Variants in MAF observed in about 807,000 individuals in gnomAD.
MAF encodes the protein transcription factor Maf.
Under a neutral mutation model 22.0 loss-of-function variants are expected in MAF, and 10 were observed. The observed-to-expected ratio is 0.45, with a 90% confidence interval of 0.28 to 0.77. MAF has a LOEUF of 0.77. MAF is among the 30% of genes least tolerant of loss of function. MAF has a pLI of 0.12. For missense variants in MAF, 544 were observed against 548.4 expected (o/e 0.99, Z 0.08); for synonymous variants, 337 against 255.8 (o/e 1.32, Z -3.03).
the MAF span, among the ~76,000 whole-genome samples, chr16:79,396,128 A>C: frequency 1.3e-5 from 2 of 152,136 alleles, no homozygotes; most frequent in African/African-American, 4.8e-5. Context: ...ACAATCTGAG[A>C]GCTTGGGCTG....
the MAF span, among the ~76,000 whole-genome samples, chr16:79,293,269 C>G: frequency 1.6e-4 from 25 of 152,232 alleles, 1 homozygote; most frequent in East Asian, 4.8e-3. Flanking sequence ...CCCAATAAGA[C>G]TCCAAACAAT....
At chr16:79,582,229 T>C (rs916931104), downstream of MAF, among the ~76,000 whole-genome samples, 2 of 152,098 alleles carry the variant, frequency 1.3e-5, no homozygotes, top group Non-Finnish European at 2.9e-5. Context: ...AAATAAAAGA[T>C]TCAGCAAGCA....
chr16:79,454,952 C>T, the MAF span, among the ~76,000 whole-genome samples: 18 of 151,830 alleles, frequency 1.2e-4, no homozygotes, highest in Non-Finnish European at 2.4e-4. Context: ...CAAAATAAGC[C>T]ATGCATGGTG....
chr16:79,594,556 G>C lies in MAF; in HGVS notation c.1119-3C>G. 6.4e-7 allele frequency: 1 copy of C among 1,558,034 alleles called. No homozygotes were observed. The highest frequency in any genetic ancestry group is 8.7e-7 in the Non-Finnish European group (1 of 1,149,270). ...CCAACTTGCGAGTGGGCTCAGTTCTGTAATTGGAATGAAAGGAATTTTAAC... is the reference window on the plus strand; with the variant it reads ...CCAACTTGCGAGTGGGCTCAGTTCTCTAATTGGAATGAAAGGAATTTTAAC... On this transcript the variant is annotated splice_region_variant and splice_polypyrimidine_tract_variant and intron_variant, in intron 1 of 1. Coordinates refer to ENST00000326043, the MANE Select transcript of MAF (RefSeq NM_005360.5).
the MAF span, among the ~76,000 whole-genome samples, chr16:79,208,703 C>T: frequency 6.6e-6 from 1 of 151,744 alleles, no homozygotes; most frequent in Non-Finnish European, 1.5e-5. Flanking sequence ...ATTGAGATTT[C>T]ACTAATGTGC....
At chr16:79,591,863 A>G (rs1177787161), downstream of MAF, among the ~76,000 whole-genome samples, 1 of 152,236 alleles carries the variant, frequency 6.6e-6, no homozygotes, top group African/African-American at 2.4e-5. Context: ...AGACTGATAC[A>G]TTTATAAATA....
chr16:79,588,339 G>T (rs572674903), intron 1 of MAF, among the ~76,000 whole-genome samples: 1 of 152,198 alleles, frequency 6.6e-6, no homozygotes, highest in Non-Finnish European at 1.5e-5. Context: ...CAGGCTCTGC[G>T]CATGTCTACC....
the MAF span, among the ~76,000 whole-genome samples, chr16:79,315,723 G>A: frequency 6.6e-6 from 1 of 152,218 alleles, no homozygotes; most frequent in African/African-American, 2.4e-5. Context: ...GATGAAGAAG[G>A]TGAGGGGCAG....
At chr16:79,212,070 G>C in the MAF span, 3 of 1,536,470 alleles carry the variant, frequency 2.0e-6, no homozygotes, top group Non-Finnish European at 2.6e-6. Flanking sequence ...TTGGTGTGTA[G>C]GTTCCGTATC....
chr16:79,480,378 A>C, the MAF span, among the ~76,000 whole-genome samples: 1 of 152,040 alleles, frequency 6.6e-6, no homozygotes, highest in Non-Finnish European at 1.5e-5. Context: ...TTGGATTTTA[A>C]AATAAAAAAA....
chr16:79,248,482 A>G, the MAF span, among the ~76,000 whole-genome samples: 1 of 152,174 alleles, frequency 6.6e-6, no homozygotes, highest in South Asian at 2.1e-4. Flanking sequence ...TCATAGTCAG[A>G]GACTTGTTTT....
chr16:79,288,991 A>C, the MAF span, among the ~76,000 whole-genome samples: 2 of 152,180 alleles, frequency 1.3e-5, no homozygotes, highest in African/African-American at 4.8e-5. Context: ...CGGCCTCCCA[A>C]AGTGTTGGGA....
At chr16:79,543,954 G>A in the MAF span, among the ~76,000 whole-genome samples, 4 of 152,096 alleles carry the variant, frequency 2.6e-5, no homozygotes, top group African/African-American at 9.7e-5. Context: ...CCAAAGTGCA[G>A]GGATTACAGG....
chr16:79,479,594 C>A, the MAF span, among the ~76,000 whole-genome samples: 2 of 152,130 alleles, frequency 1.3e-5, no homozygotes, highest in Non-Finnish European at 2.9e-5. Flanking sequence ...TCTCTAGAGC[C>A]GAGCCAAGCC....
chr16:79,445,929 A>G, the MAF span, among the ~76,000 whole-genome samples: 1 of 152,188 alleles, frequency 6.6e-6, no homozygotes, highest in Non-Finnish European at 1.5e-5. Context: ...AAAACAATAC[A>G]TCAGACACTG....
the MAF span, among the ~76,000 whole-genome samples, chr16:79,311,515 A>G: frequency 6.8e-6 from 1 of 146,458 alleles, no homozygotes. Flanking sequence ...AAAAAAAAAA[A>G]CATTATGTCT....
the MAF span, among the ~76,000 whole-genome samples, chr16:79,442,397 G>A: frequency 6.6e-6 from 1 of 152,004 alleles, no homozygotes; most frequent in East Asian, 1.9e-4. Flanking sequence ...TTAGAAACAG[G>A]CTCTCCCTCT....
the MAF span, among the ~76,000 whole-genome samples, chr16:79,552,045 C>G: frequency 6.6e-6 from 1 of 152,048 alleles, no homozygotes; most frequent in East Asian, 1.9e-4. Context: ...AAAACACAAA[C>G]TCCTTAGCTT....
At chr16:79,374,361 T>C in the MAF span, among the ~76,000 whole-genome samples, 1 of 152,216 alleles carries the variant, frequency 6.6e-6, no homozygotes, top group Non-Finnish European at 1.5e-5. Context: ...ATGAGCTCTG[T>C]AGAATTTTCC....
Sources: allele counts gnomAD v4.1 joint callset (sites outside exome capture counted in the v4.1 genomes callset), GRCh38; gene constraint gnomAD v4.1.1; transcripts MANE v1.5; gene names NCBI Gene and HGNC (gene_info 2026-07-23, HGNC 2026-07-21).